Variants in CHCHD6 observed in about 807,000 individuals in gnomAD.
CHCHD6 encodes coiled-coil-helix-coiled-coil-helix domain containing 6.
A neutral mutation model predicts 32.3 loss-of-function variants in CHCHD6; 28 were observed. The ratio of observed to expected loss-of-function variants is 0.87; its 90% CI spans 0.64 to 1.19. The LOEUF (loss-of-function observed/expected upper bound fraction) is 1.19. Ranked by LOEUF, CHCHD6 falls within the 50% of genes most tolerant of loss-of-function variation. The pLI is 0.00. For synonymous variants in CHCHD6, 122 were observed against 117.5 expected (o/e 1.04, Z -0.25); for missense variants, 333 against 307.0 (o/e 1.08, Z -0.63).
chr3:126,764,217 A>G (rs976156394), intron 4 of CHCHD6, among the ~76,000 whole-genome samples: 4 of 147,770 alleles, frequency 2.7e-5, no homozygotes, highest in African/African-American at 9.8e-5. Flanking sequence ...ATATATATAT[A>G]TATATATAAA....
At chr3:126,923,153 A>G (rs1203696449) in intron 6 of CHCHD6, among the ~76,000 whole-genome samples, 2 of 152,296 alleles carry the variant, frequency 1.3e-5, no homozygotes, top group East Asian at 1.9e-4. Context: ...GGTGAAACCC[A>G]TTTGACATCC....
chr3:126,862,533 TTCCACCATCACCACCTCCTCCTCC>T (rs1559887511), intron 5 of CHCHD6, among the ~76,000 whole-genome samples: 1 of 9,726 alleles, frequency 1.0e-4, no homozygotes, highest in East Asian at 2.6e-3. Flanking sequence ...CCTCACCCTC[TTCCACCATCACCACCTCCTCCTCC>T]TCCACCATCA....
At chr3:126,864,366 AC>A (rs1942149191) in intron 5 of CHCHD6, among the ~76,000 whole-genome samples, 1 of 123,282 alleles carries the variant, frequency 8.1e-6, no homozygotes, top group African/African-American at 3.2e-5. Flanking sequence ...CTCCTTCATC[AC>A]CACCTCCACC....
rs899406125 is a variant in CHCHD6 at position 126,911,511 on chromosome 3, C to T, written c.496-3169C>T. On this transcript the variant is annotated intron_variant, in intron 5 of 7. Transcript: ENST00000290913. ...AGGGAGCTGCGGTTGTGAGGACATC[C>T]GTCCCTGTAGGTCTGCTTAGGCAGA... Among the ~76,000 whole-genome samples the T allele has an allele frequency of 3.3e-4, 51 of 152,316 alleles. 1 individual carries two copies. The highest frequency in any genetic ancestry group is 1.2e-3 in the African/African-American group (50 of 41,564).
chr3:126,831,497 T>A (rs937105841), intron 4 of CHCHD6, among the ~76,000 whole-genome samples: 2 of 152,190 alleles, frequency 1.3e-5, no homozygotes, highest in African/African-American at 2.4e-5. Context: ...GGAGACCTTG[T>A]TTCATCTATC....
chr3:126,850,756 C>T (rs555239236), intron 4 of CHCHD6, among the ~76,000 whole-genome samples: 31 of 152,242 alleles, frequency 2.0e-4, no homozygotes, highest in African/African-American at 6.3e-4. Flanking sequence ...TTGCATCAGA[C>T]GAGCTTCTCC....
chr3:126,871,752 G>A (rs1001997603), intron 5 of CHCHD6, among the ~76,000 whole-genome samples: 4 of 135,744 alleles, frequency 2.9e-5, no homozygotes, highest in East Asian at 4.8e-4. Flanking sequence ...TGCAACCTCC[G>A]CCTCCCAGGT....
chr3:126,813,505 G>C lies in CHCHD6; in HGVS notation c.412-39142G>C, dbSNP rs903535094. 2.0e-5 allele frequency among the ~76,000 whole-genome samples: 3 copies of C among 152,346 alleles called. 1 individual carries two copies. ...GACAGAAAGAAATGTATAATTCTGA[G>C]CATCTGCTAGGTACTGGCCACTACT... On this transcript the variant is annotated intron_variant, in intron 4 of 7. Transcript: ENST00000290913.
intron 4 of CHCHD6, among the ~76,000 whole-genome samples, chr3:126,779,207 A>G (rs1185849997): frequency 6.6e-6 from 1 of 152,128 alleles, no homozygotes; most frequent in Non-Finnish European, 1.5e-5. Flanking sequence ...GCCTAACCCA[A>G]GGTCCTGAAG....
chr3:126,934,242 G>A (rs6776903), intron 6 of CHCHD6, among the ~76,000 whole-genome samples: 4,721 of 152,278 alleles, frequency 0.031, 163 homozygotes, highest in East Asian at 0.16. Context: ...TGGTTATCTG[G>A]GTTCTTTGAA....
chr3:126,890,045 C>T (rs1388075956), intron 5 of CHCHD6, among the ~76,000 whole-genome samples: 1 of 152,232 alleles, frequency 6.6e-6, no homozygotes, highest in African/African-American at 2.4e-5. Context: ...GGCTGCATGG[C>T]CCATGTGGAG....
chr3:126,861,325 G>A (rs1367118378), intron 5 of CHCHD6, among the ~76,000 whole-genome samples: 1 of 151,928 alleles, frequency 6.6e-6, no homozygotes, highest in African/African-American at 2.4e-5. Flanking sequence ...CCCAACGTGT[G>A]TACTAACCGT....
chr3:126,815,811 A>G lies in CHCHD6; in HGVS notation c.412-36836A>G, dbSNP rs369153084. Among the ~76,000 whole-genome samples, 6 of 152,296 alleles carry G rather than the reference A, an allele frequency of 3.9e-5. No homozygotes were observed. The South Asian group carries it at 8.3e-4, about 21-fold the overall frequency. On this transcript the variant is annotated intron_variant, in intron 4 of 7. Coordinates refer to ENST00000290913, the MANE Select transcript of CHCHD6 (RefSeq NM_032343.3). ...ATCAAGTCCCCAAGTCTGACCTAGC[A>G]GTCAAGGTGCTTAGCTGTGCCTCTG...
chr3:126,800,314 C>G (rs1377125677), intron 4 of CHCHD6, among the ~76,000 whole-genome samples: 1 of 152,104 alleles, frequency 6.6e-6, no homozygotes, highest in African/African-American at 2.4e-5. Context: ...AGAGTAAAGA[C>G]ATGGGAGATA....
chr3:126,884,958 G>A (rs563801047), intron 5 of CHCHD6, among the ~76,000 whole-genome samples: 3 of 152,290 alleles, frequency 2.0e-5, no homozygotes, highest in Non-Finnish European at 4.4e-5. Flanking sequence ...GATCCTCAAT[G>A]TCTCTGCACT....
chr3:126,741,040 C>G (rs1315151849), intron 4 of CHCHD6, among the ~76,000 whole-genome samples: 1 of 152,104 alleles, frequency 6.6e-6, no homozygotes, highest in East Asian at 1.9e-4. Flanking sequence ...CTGCCTTGGC[C>G]GGGTTGTGGT....
chr3:126,877,767 G>A (rs1339098431), intron 5 of CHCHD6, among the ~76,000 whole-genome samples: 1 of 152,232 alleles, frequency 6.6e-6, no homozygotes, highest in Non-Finnish European at 1.5e-5. Context: ...ACATCAATTA[G>A]TGGATCAGTG....
Position 126,816,439 on chromosome 3 carries a change from G to A in CHCHD6, c.412-36208G>A, listed in dbSNP as rs560569173. Among the ~76,000 whole-genome samples, 6 of 152,336 alleles carry A rather than the reference G, an allele frequency of 3.9e-5. No individual in the cohort carries two copies. In the South Asian group the frequency reaches 1.2e-3, roughly 32 times the overall value. On this transcript the variant is annotated intron_variant, in intron 4 of 7. Coordinates refer to ENST00000290913, the MANE Select transcript of CHCHD6 (RefSeq NM_032343.3). ...TCTCACAACCCACATTTTGCTAAGA[G>A]CAGAGGCGCTCAGCACTGGACTTCT... is the stretch of plus-strand genomic sequence containing the variant.
chr3:126,863,989 A>G (rs1400012641), intron 5 of CHCHD6, among the ~76,000 whole-genome samples: 1 of 144,272 alleles, frequency 6.9e-6, no homozygotes, highest in Non-Finnish European at 1.5e-5. Flanking sequence ...CTCCTCCACC[A>G]TCACTACCTT....
Sources: allele counts gnomAD v4.1 joint callset (sites outside exome capture counted in the v4.1 genomes callset), GRCh38; gene constraint gnomAD v4.1.1; transcripts MANE v1.5; gene names NCBI Gene and HGNC (gene_info 2026-07-23, HGNC 2026-07-21).